Variants in AGAP1 observed in about 807,000 individuals in gnomAD.
The protein encoded by AGAP1 is ArfGAP with GTPase domain, ankyrin repeat and PH domain 1.
A neutral mutation model predicts 105.3 loss-of-function variants in AGAP1; 29 were observed. That is an observed-to-expected ratio of 0.28 (90% CI 0.21 to 0.38). The LOEUF (loss-of-function observed/expected upper bound fraction) is 0.38, where lower values mean the gene tolerates loss of function less well. Among genes scored for constraint, AGAP1 ranks in the 10% least tolerant of loss-of-function variants. The probability of loss-of-function intolerance (pLI) is 1.00; values close to 1 mark genes in which losing one functional copy is unlikely to be tolerated. For synonymous variants in AGAP1, 509 were observed against 485.9 expected (o/e 1.05, Z -0.63); for missense variants, 998 against 1,165.1 (o/e 0.86, Z 2.09).
chr2:235,543,462 C>T (rs201604218), intron 1 of AGAP1, among the ~76,000 whole-genome samples: 22 of 152,238 alleles, frequency 1.4e-4, no homozygotes, highest in African/African-American at 4.6e-4. Context: ...AACCAGGGGA[C>T]GAAGGACATG....
At chr2:235,745,963 TAAAAA>T (rs1204237741) in intron 5 of AGAP1, among the ~76,000 whole-genome samples, 24 of 152,244 alleles carry the variant, frequency 1.6e-4, no homozygotes, top group Admixed American at 5.2e-4. Context: ...CTGTCTGTAC[TAAAAA>T]TAGAAAAATT....
intron 1 of AGAP1, among the ~76,000 whole-genome samples, chr2:235,693,350 C>T (rs982298723): frequency 2.6e-5 from 4 of 152,120 alleles, no homozygotes; most frequent in African/African-American, 9.7e-5. Flanking sequence ...TGTCACCAGT[C>T]TATGATTGGA....
rs1943175617 is a variant in AGAP1, at chr2:235,535,307, G to A, written c.163+40458G>A. 6.6e-6 allele frequency among the ~76,000 whole-genome samples: 1 copy of A among 152,092 alleles called. No individual in the cohort carries two copies. The highest frequency in any genetic ancestry group is 6.6e-5 in the Admixed American group (1 of 15,266). ...TCAATGCGGGCGTGCGAACTTCCAG[G>A]TAGAGCCGAGTTCAAGAAAATGAAG... On this transcript the variant is annotated intron_variant, in intron 1 of 17. Transcript: ENST00000304032. The surrounding 1 kb of genome is among the most constrained non-coding windows in gnomAD (Gnocchi z 5.1).
At chr2:235,731,078 C>T (rs1951922070) in intron 3 of AGAP1, among the ~76,000 whole-genome samples, 1 of 152,194 alleles carries the variant, frequency 6.6e-6, no homozygotes, top group South Asian at 2.1e-4. Flanking sequence ...CTTGTTCACC[C>T]TATTCCTGGC....
At position 235,717,145 on chromosome 2, in the gene AGAP1, G is replaced by A. The variant is rs535492408; in HGVS notation, c.223-412G>A. On this transcript the variant is annotated intron_variant, in intron 2 of 17. Transcript: ENST00000304032. ...CCCCTAAAGATGCTACCATGCATGGGTCCTCGCCACTCTCCCCACGTCACT... is the reference window on the plus strand; with the variant it reads ...CCCCTAAAGATGCTACCATGCATGGATCCTCGCCACTCTCCCCACGTCACT... Among the ~76,000 whole-genome samples, 130 of 152,090 alleles carry A rather than the reference G, an allele frequency of 8.5e-4. 1 individual carries two copies. The highest frequency in any genetic ancestry group is 3.0e-3 in the African/African-American group (125 of 41,498).
intron 16 of AGAP1, among the ~76,000 whole-genome samples, chr2:236,091,298 C>T (rs57099931): frequency 0.12 from 17,700 of 152,208 alleles, 1,790 homozygotes; most frequent in African/African-American, 0.26. Flanking sequence ...TTTCAAGTTC[C>T]TCTAAATCCT....
intron 1 of AGAP1, among the ~76,000 whole-genome samples, chr2:235,677,904 A>C (rs4384729): frequency 2.7e-5 from 2 of 73,684 alleles, no homozygotes; most frequent in African/African-American, 6.7e-5. Context: ...TTAGCTCTTT[A>C]CCAAAAAAAA....
rs1240973007 is a variant in AGAP1, at chr2:235,752,705, G to A, written c.673+2217G>A. On this transcript the variant is annotated intron_variant, in intron 6 of 17. Transcript: ENST00000304032. This position sits in a 1 kb window ranked among gnomAD's most constrained non-coding sequence, Gnocchi z 4.3. ...TTTCCACAGTGACTCCTTTGCTTTT[G>A]TATTTATCACGGTTAACATACATGA... Among the ~76,000 whole-genome samples, 1 of 152,172 alleles carries A rather than the reference G, an allele frequency of 6.6e-6. No homozygotes were observed. The highest frequency in any genetic ancestry group is 1.5e-5 in the Non-Finnish European group (1 of 68,024).
rs2149732339 is a variant in AGAP1 at position 235,753,926 on chromosome 2, T to C, written c.673+3438T>C. Among the ~76,000 whole-genome samples, 1 of 152,338 alleles carries C rather than the reference T, an allele frequency of 6.6e-6. No individual in the cohort carries two copies. Among genetic ancestry groups the C allele is most frequent in the East Asian group, 1.9e-4 (1 of 5,192 alleles). On this transcript the variant is annotated intron_variant, in intron 6 of 17. Transcript: ENST00000304032. This position sits in a 1 kb window ranked among gnomAD's most constrained non-coding sequence, Gnocchi z 4.5. Reference sequence around the variant, plus strand: ...TTCATGTAAATCACAAACACTCTCATTGTTAGTGAGAAAAGTAGTTGCTGA... The same window carrying C: ...TTCATGTAAATCACAAACACTCTCACTGTTAGTGAGAAAAGTAGTTGCTGA...
In AGAP1 at chr2:235,845,909, C is replaced by A. The variant is rs1321872883; in HGVS notation, c.1051-37436C>A. On this transcript the variant is annotated intron_variant, in intron 9 of 17. Coordinates refer to ENST00000304032, the MANE Select transcript of AGAP1 (RefSeq NM_001037131.3). The surrounding 1 kb of genome is among the most constrained non-coding windows in gnomAD (Gnocchi z 4.8). ...TGTAGCCCTCAGATATGCCCTCCTT[C>A]CTGCACCCCCAGAGTGGCCCCTCCA... is the stretch of plus-strand genomic sequence containing the variant. Among the ~76,000 whole-genome samples, 2 of 152,054 alleles carry A rather than the reference C, an allele frequency of 1.3e-5. No homozygotes were observed. Among genetic ancestry groups the A allele is most frequent in the Non-Finnish European group, 2.9e-5 (2 of 68,020 alleles).
intron 6 of AGAP1, among the ~76,000 whole-genome samples, chr2:235,772,879 T>G (rs1955568658): frequency 6.6e-6 from 1 of 152,208 alleles, no homozygotes; most frequent in Non-Finnish European, 1.5e-5. Context: ...ATTCTTTATG[T>G]GCCCAGTAAA....
chr2:235,553,002 C>G lies in AGAP1; in HGVS notation c.163+58153C>G, dbSNP rs1253724447. Among the ~76,000 whole-genome samples the G allele has an allele frequency of 6.6e-6, 1 of 152,200 alleles. No homozygotes were observed. Among genetic ancestry groups the G allele is most frequent in the Non-Finnish European group, 1.5e-5 (1 of 68,040 alleles). ...GTGAAGGGTATGGGGACAGCCACAT[C>G]TGGGTTTCAGTTTTCAGTCAGCTCC... On this transcript the variant is annotated intron_variant, in intron 1 of 17. Transcript: ENST00000304032. The surrounding 1 kb of genome is among the most constrained non-coding windows in gnomAD (Gnocchi z 4.5).
chr2:235,702,681 C>T (rs77339449), intron 1 of AGAP1, among the ~76,000 whole-genome samples: 5,345 of 152,242 alleles, frequency 0.035, 122 homozygotes, highest in Non-Finnish European at 0.054. Flanking sequence ...AGGTTGAACC[C>T]CACTGTGAAA....
At chr2:235,650,099 C>A (rs557284600) in intron 1 of AGAP1, among the ~76,000 whole-genome samples, 1 of 152,208 alleles carries the variant, frequency 6.6e-6, no homozygotes, top group African/African-American at 2.4e-5. Flanking sequence ...TGGTGGCTCA[C>A]GCCTGAAATC....
intron 13 of AGAP1, among the ~76,000 whole-genome samples, chr2:235,991,179 C>T (rs1282268499): frequency 6.6e-6 from 1 of 152,198 alleles, no homozygotes; most frequent in Non-Finnish European, 1.5e-5. Context: ...TGTACTTATT[C>T]TCTGGTAATA....
Position 235,660,981 on chromosome 2 carries a change from G to C in AGAP1, c.164-48198G>C, listed in dbSNP as rs1448133944. Among the ~76,000 whole-genome samples, 7 of 152,176 alleles carry C rather than the reference G, an allele frequency of 4.6e-5. No individual in the cohort carries two copies. The highest frequency in any genetic ancestry group is 3.9e-4 in the Admixed American group (6 of 15,280). ...GGAGGGTGTCGGGGCGTTGAATACT[G>C]GTTAAGGAAACGGACGCTTTATTCT... is the stretch of plus-strand genomic sequence containing the variant. On this transcript the variant is annotated intron_variant, in intron 1 of 17. Coordinates refer to ENST00000304032, the MANE Select transcript of AGAP1 (RefSeq NM_001037131.3). The surrounding 1 kb of genome is among the most constrained non-coding windows in gnomAD (Gnocchi z 5.3).
At chr2:235,604,979 T>G (rs1050753688) in intron 1 of AGAP1, among the ~76,000 whole-genome samples, 52 of 151,918 alleles carry the variant, frequency 3.4e-4, no homozygotes, top group African/African-American at 1.2e-3. Context: ...CTCCCAGGTT[T>G]AAGCGATTCT....
chr2:235,610,654 A>C lies in AGAP1; in HGVS notation c.164-98525A>C, dbSNP rs1487083636. Among the ~76,000 whole-genome samples, 1 of 152,158 alleles carries C rather than the reference A, an allele frequency of 6.6e-6. No individual in the cohort carries two copies. Among genetic ancestry groups the C allele is most frequent in the Non-Finnish European group, 1.5e-5 (1 of 68,024 alleles). ...TTAAATACAAATTTCAGGAGAGCTC[A>C]ATACAGCCCATAGCACAGCGCTTCC... On this transcript the variant is annotated intron_variant, in intron 1 of 17. Transcript: ENST00000304032. This position sits in a 1 kb window ranked among gnomAD's most constrained non-coding sequence, Gnocchi z 4.9.
At position 236,027,162 on chromosome 2, in the gene AGAP1, T is replaced by A. The variant is rs929045261; in HGVS notation, c.1646-9399T>A. On this transcript the variant is annotated intron_variant, in intron 13 of 17. Coordinates refer to ENST00000304032, the MANE Select transcript of AGAP1 (RefSeq NM_001037131.3). This position sits in a 1 kb window ranked among gnomAD's most constrained non-coding sequence, Gnocchi z 4.4. Reference sequence around the variant, plus strand: ...TAATCCTTGTACTTATTTTTTTTAATCTTGGGAGGCAGAGAAAAGTCATAT... The same window carrying A: ...TAATCCTTGTACTTATTTTTTTTAAACTTGGGAGGCAGAGAAAAGTCATAT... Among the ~76,000 whole-genome samples, 28 of 152,158 alleles carry A rather than the reference T, an allele frequency of 1.8e-4. No individual in the cohort carries two copies. Among genetic ancestry groups the A allele is most frequent in the African/African-American group, 6.5e-4 (27 of 41,428 alleles).
Sources: allele counts gnomAD v4.1 joint callset (sites outside exome capture counted in the v4.1 genomes callset), GRCh38; gene constraint gnomAD v4.1.1; non-coding constraint Gnocchi (gnomAD v3.1); transcripts MANE v1.5; gene names NCBI Gene and HGNC (gene_info 2026-07-23, HGNC 2026-07-21).